The following DCDC2C variants were observed in gnomAD, a reference collection of about 807,000 sequenced individuals.
DCDC2C encodes doublecortin domain-containing protein 2C.
A neutral mutation model predicts 45.0 loss-of-function variants in DCDC2C; 44 were observed. The ratio of observed to expected loss-of-function variants is 0.98; its 90% CI spans 0.77 to 1.26. The LOEUF (loss-of-function observed/expected upper bound fraction) is 1.26. DCDC2C is among the 50% of genes most tolerant of loss of function. The pLI, the probability that DCDC2C is intolerant of heterozygous loss-of-function variation, is 0.00. For synonymous variants in DCDC2C, 187 were observed against 178.8 expected (o/e 1.05, Z -0.37); for missense variants, 447 against 468.9 (o/e 0.95, Z 0.43).
intron 4 of DCDC2C, among the ~76,000 whole-genome samples, chr2:3,746,383 A>G (rs964717125): frequency 5.3e-5 from 8 of 152,118 alleles, no homozygotes; most frequent in Non-Finnish European, 1.0e-4. Flanking sequence ...GTGGGAGTGG[A>G]TGGGGACGAG....
chr2:3,783,261 T>C (rs1670562576), intron 9 of DCDC2C, among the ~76,000 whole-genome samples: 1 of 152,152 alleles, frequency 6.6e-6, no homozygotes, highest in Non-Finnish European at 1.5e-5. Flanking sequence ...GACTCTGATT[T>C]GGGGTTATGA....
At chr2:3,775,110 C>CTGAGCTAGGCAGCTGTGGCTG (rs1196273329) in intron 8 of DCDC2C, among the ~76,000 whole-genome samples, 1 of 108,294 alleles carries the variant, frequency 9.2e-6, no homozygotes, top group Non-Finnish European at 1.9e-5. Flanking sequence ...GGGAGTGGCT[C>CTGAGCTAGGCAGCTGTGGCTG]TGAGCTAGGC....
At chr2:3,819,630 TC>T (rs1671639384) in intron 10 of DCDC2C, among the ~76,000 whole-genome samples, 1 of 152,214 alleles carries the variant, frequency 6.6e-6, no homozygotes, top group African/African-American at 2.4e-5. Context: ...AAGACAGCCT[TC>T]TCACCTTTCA....
At chr2:3,751,635 C>T (rs972733830) in intron 4 of DCDC2C, among the ~76,000 whole-genome samples, 3 of 152,216 alleles carry the variant, frequency 2.0e-5, no homozygotes, top group Admixed American at 6.5e-5. Flanking sequence ...GCAGCTCTGA[C>T]GCCCAGCTCT....
At chr2:3,756,688 T>C (rs1306578870) in intron 6 of DCDC2C, among the ~76,000 whole-genome samples, 1 of 152,246 alleles carries the variant, frequency 6.6e-6, no homozygotes, top group Non-Finnish European at 1.5e-5. Context: ...TCCAACTTCA[T>C]TCACTGATTA....
At chr2:3,763,177 G>A (rs535755871) in intron 6 of DCDC2C, among the ~76,000 whole-genome samples, 8 of 152,174 alleles carry the variant, frequency 5.3e-5, no homozygotes, top group Non-Finnish European at 1.0e-4. Flanking sequence ...ACAGAGGTTC[G>A]TTCTGGCATT....
intron 10 of DCDC2C, among the ~76,000 whole-genome samples, chr2:3,812,874 T>C (rs927258645): frequency 3.9e-5 from 6 of 152,076 alleles, no homozygotes; most frequent in African/African-American, 1.4e-4. Flanking sequence ...TCAATTTCCA[T>C]GTATTTGTGT....
In DCDC2C at chr2:3,837,622, A is replaced by AGACAGTATCAAGAGAGGCG. The variant is rs1558249632; in HGVS notation, c.1066-9532_1066-9531insGACAGTATCAAGAGAGGCG. Among the ~76,000 whole-genome samples the AGACAGTATCAAGAGAGGCG allele has an allele frequency of 3.2e-5, 4 of 124,476 alleles. 1 individual carries two copies. The highest frequency in any genetic ancestry group is 7.4e-5 in the Non-Finnish European group (4 of 53,996). 81.7% of individuals were successfully genotyped at this position (124,476 alleles called of 152,430 possible). A position where few individuals can be genotyped will look rare whatever the true frequency, so the allele number is the denominator to read the frequency against. Reference sequence around the variant, plus strand: ...TCATCTAAAGGGGAAGAAACTGAGGAAGAAATCAGCCTTTGGCTCCCCCTT... The same window carrying AGACAGTATCAAGAGAGGCG: ...TCATCTAAAGGGGAAGAAACTGAGGAGACAGTATCAAGAGAGGCGAGAAATCAGCCTTTGGCTCCCCCTT... On this transcript the variant is annotated intron_variant, in intron 10 of 10. Coordinates refer to ENST00000399143, the MANE Select transcript of DCDC2C (RefSeq NM_001287444.2).
chr2:3,736,334 G>A (rs1030917840), intron 3 of DCDC2C, among the ~76,000 whole-genome samples: 1 of 152,172 alleles, frequency 6.6e-6, no homozygotes, highest in African/African-American at 2.4e-5. Context: ...AAGTCGTGAG[G>A]CACAGGATCA....
chr2:3,729,831 G>A (rs1485623259), intron 3 of DCDC2C, among the ~76,000 whole-genome samples: 3 of 152,176 alleles, frequency 2.0e-5, no homozygotes, highest in East Asian at 1.9e-4. Flanking sequence ...GTTTAGTGGC[G>A]GGGCTAGGGT....
intron 9 of DCDC2C, among the ~76,000 whole-genome samples, chr2:3,780,596 A>T (rs933536169): frequency 1.3e-5 from 2 of 152,182 alleles, no homozygotes; most frequent in African/African-American, 4.8e-5. Flanking sequence ...GGACAGCCAT[A>T]CCTTGGTTCT....
At chr2:3,729,873 C>G (rs11893098) in intron 3 of DCDC2C, among the ~76,000 whole-genome samples, 1 of 151,998 alleles carries the variant, frequency 6.6e-6, no homozygotes, top group East Asian at 1.9e-4. Flanking sequence ...TGCTGCTGGA[C>G]GCATGCTAGA....
intron 3 of DCDC2C, among the ~76,000 whole-genome samples, chr2:3,736,322 G>A (rs903542226): frequency 2.0e-5 from 3 of 152,124 alleles, no homozygotes; most frequent in African/African-American, 7.2e-5. Context: ...TGAGAAAGAG[G>A]CAAGTCGTGA....
chr2:3,783,378 C>T (rs1251086232), intron 9 of DCDC2C, among the ~76,000 whole-genome samples: 3 of 152,258 alleles, frequency 2.0e-5, no homozygotes, highest in Non-Finnish European at 4.4e-5. Flanking sequence ...TTCCAGGGCT[C>T]ACTGCAGAGC....
intron 10 of DCDC2C, among the ~76,000 whole-genome samples, chr2:3,845,427 C>G (rs925475030): frequency 6.6e-6 from 1 of 152,188 alleles, no homozygotes; most frequent in Non-Finnish European, 1.5e-5. Flanking sequence ...TAGGATGGTC[C>G]AAGTCCTCTT....
intron 10 of DCDC2C, among the ~76,000 whole-genome samples, chr2:3,821,654 G>T (rs1671689533): frequency 6.6e-6 from 1 of 152,194 alleles, no homozygotes; most frequent in Non-Finnish European, 1.5e-5. Context: ...TTCTTTTCCA[G>T]TGTGTTGCTT....
intron 10 of DCDC2C, among the ~76,000 whole-genome samples, chr2:3,791,580 C>T (rs192897125): frequency 6.6e-6 from 1 of 152,334 alleles, no homozygotes; most frequent in African/African-American, 2.4e-5. Context: ...ATCTTGGAAG[C>T]TTCCCTACTT....
rs1668129138 is a variant in DCDC2C at position 3,708,598 on chromosome 2, GAAGT to G, written c.339+3_339+6del. On this transcript the variant is annotated splice_donor_variant and coding_sequence_variant, in exon 2 of 11. Coordinates refer to ENST00000399143, the MANE Select transcript of DCDC2C (RefSeq NM_001287444.2). LOFTEE classifies it high-confidence loss of function. ...ACCTGCAAAGATAAGGAAGTTGAAG[GAAGT>G]AAGTGTTTGCTTCTAACAACTAATA... 11 of 1,548,486 alleles carry G rather than the reference GAAGT, an allele frequency of 7.1e-6. No homozygotes were observed. Among genetic ancestry groups the G allele is most frequent in the East Asian group, 2.4e-5 (1 of 40,888 alleles).
chr2:3,801,520 A>C (rs1671112859), intron 10 of DCDC2C, among the ~76,000 whole-genome samples: 1 of 152,260 alleles, frequency 6.6e-6, no homozygotes, highest in Non-Finnish European at 1.5e-5. Flanking sequence ...AGAAATTAAG[A>C]AGAAAAAATC....
Sources: gnomAD v4.1 joint callset for allele counts (sites outside exome capture counted in the v4.1 genomes callset) on GRCh38, gnomAD v4.1.1 for gene constraint, MANE v1.5 for transcripts, NCBI Gene and HGNC (gene_info 2026-07-23, HGNC 2026-07-21) for gene names.